The following DST variants were observed in gnomAD, a reference collection of about 807,000 sequenced individuals.
The protein encoded by DST is bullous pemphigoid antigen.
DST carries 253 observed loss-of-function variants against 875.2 expected under a neutral mutation model. The ratio of observed to expected loss-of-function variants is 0.29; its 90% confidence interval spans 0.26 to 0.32. The LOEUF is 0.32. DST is among the 10% of genes least tolerant of loss of function. DST has a pLI of 1.00. For missense variants in DST, 8,287 were observed against 9,111.6 expected (o/e 0.91, Z 3.68); for synonymous variants, 3,124 against 3,197.1 (o/e 0.98, Z 0.77).
At chr6:56,468,859 C>A in intron 98 of DST, 123 bp downstream of exon 98, 1 of 729,476 alleles carries the variant, frequency 1.4e-6, no homozygotes, top group Non-Finnish European at 2.2e-6. Flanking sequence ...ACCACGCCAA[C>A]CAACAATGTA....
At chr6:56,884,610 A>C (rs1330846865) in intron 3 of DST, among the ~76,000 whole-genome samples, 1 of 152,144 alleles carries the variant, frequency 6.6e-6, no homozygotes, top group Admixed American at 6.6e-5. Flanking sequence ...TTGTAATTTC[A>C]TCATTCCTTC....
intron 9 of DST, among the ~76,000 whole-genome samples, chr6:56,699,190 T>C (rs191131533): frequency 4.9e-4 from 74 of 152,368 alleles, no homozygotes; most frequent in African/African-American, 1.6e-3. Context: ...AAAGCACAGC[T>C]CTGCATAAAA....
chr6:56,595,022 G>A (rs2098346141), intron 47 of DST, among the ~76,000 whole-genome samples: 1 of 152,140 alleles, frequency 6.6e-6, no homozygotes, highest in African/African-American at 2.4e-5. Flanking sequence ...GGTAGGTGAA[G>A]TCCCTTTCCC....
At chr6:56,525,733 G>A (rs557962731) in intron 69 of DST, among the ~76,000 whole-genome samples, 15 of 152,180 alleles carry the variant, frequency 9.9e-5, no homozygotes, top group Admixed American at 2.6e-4. Context: ...ATTATATTAC[G>A]AACTTCTATC....
At chr6:56,569,325 G>GAAAAAAAAA (rs755987516) in intron 54 of DST, among the ~76,000 whole-genome samples, 3 of 94,808 alleles carry the variant, frequency 3.2e-5, no homozygotes, top group African/African-American at 1.2e-4. Flanking sequence ...ACTCTGTCTC[G>GAAAAAAAAA]AAAAAAAAAA....
At chr6:56,651,925 T>C (rs1403124619) in intron 10 of DST, among the ~76,000 whole-genome samples, 4 of 152,248 alleles carry the variant, frequency 2.6e-5, no homozygotes, top group Admixed American at 2.6e-4. Flanking sequence ...TACTATGTAT[T>C]AAGAAAATTT....
Position 56,572,826 on chromosome 6 carries a change from A to G in DST, c.13475T>C (p.Phe4492Ser). The G allele has an allele frequency of 6.2e-7, 1 of 1,610,572 alleles. No homozygotes were observed. The highest frequency in any genetic ancestry group is 8.5e-7 in the Non-Finnish European group (1 of 1,179,004). The change falls in exon 52 of 104, where the codon TTT becomes TCT. Residue 4492 changes from phenylalanine to serine, a missense_variant. By Grantham distance (155) the Phe-to-Ser change is radical (BLOSUM62 -2). This residue lies in a region of DST where 1,513 missense variants were observed against 1,677.8 expected (regional missense o/e 0.90). Transcript: ENST00000680361. ...AAGAGCCTGAGTTTTTGTTTCTAAA[A>G]ATGTCTGGAGCTTTTCTGAGAGGTT... ...FENLSEKLQT[F>S]LETKTQALTE...
chr6:56,665,598 T>C (rs1436304440), intron 10 of DST, among the ~76,000 whole-genome samples: 3 of 152,138 alleles, frequency 2.0e-5, no homozygotes, highest in Non-Finnish European at 2.9e-5. Context: ...AGGTATGTGA[T>C]GTCAAAAATA....
chr6:56,841,960 C>T (rs576368640), intron 4 of DST, among the ~76,000 whole-genome samples: 2 of 152,232 alleles, frequency 1.3e-5, no homozygotes, highest in Admixed American at 6.5e-5. Flanking sequence ...TCTCATTGTA[C>T]TGTTTACAAA....
rs747458470 is a variant in DST at position 56,487,186 on chromosome 6, C to T, written c.20965G>A (p.Ala6989Thr). The T allele has an allele frequency of 3.7e-6, 6 of 1,613,790 alleles. No individual in the cohort carries two copies. In the African/African-American group the frequency reaches 8.0e-5, roughly 22 times the overall value. Residue 6989 changes from alanine (A) to threonine (T), a missense_variant, in exon 87 of 104, where the codon GCT becomes ACT. By Grantham distance (58) the Ala-to-Thr change is moderately conservative (BLOSUM62 0). Coordinates refer to ENST00000680361, the MANE Select transcript of DST (RefSeq NM_001374736.1). ...TCATCCAGTTTCAGGTTGTCATCAG[C>T]CAGGGAGGTTTTCTCCTTCAGAGAA... ...GRSLKEKTSL[A>T]DDNLKLDDML...
chr6:56,463,385 T>A (rs1429443685), intron 101 of DST, among the ~76,000 whole-genome samples, 180 bp downstream of exon 101: 1 of 152,202 alleles, frequency 6.6e-6, no homozygotes, highest in Non-Finnish European at 1.5e-5. Flanking sequence ...CATCTCTATG[T>A]GGGCCACTAG....
At chr6:56,616,675 AG>A in intron 36 of DST, 1 of 1,614,226 alleles carries the variant, frequency 6.2e-7, no homozygotes, top group East Asian at 2.2e-5. Flanking sequence ...CAATTTCTGG[AG>A]GAACACGAAT....
At chr6:56,694,892 C>T (rs758531990) in intron 9 of DST, among the ~76,000 whole-genome samples, 12 of 151,848 alleles carry the variant, frequency 7.9e-5, no homozygotes, top group African/African-American at 2.4e-4. Flanking sequence ...TTTGGGAGGC[C>T]GAGGCAGGTG....
intron 2 of DST, among the ~76,000 whole-genome samples, chr6:56,940,725 G>A (rs141616255): frequency 2.1e-4 from 32 of 151,446 alleles, no homozygotes; most frequent in African/African-American, 6.8e-4. Context: ...GACTGCAGGC[G>A]CAAGCCACCG....
intron 3 of DST, among the ~76,000 whole-genome samples, chr6:56,886,323 G>C (rs1170639896): frequency 6.6e-6 from 1 of 152,192 alleles, no homozygotes; most frequent in Non-Finnish European, 1.5e-5. Context: ...ATGAACTTAA[G>C]CCAATCACCT....
At chr6:56,538,633 A>T (rs1052276146) in intron 61 of DST, among the ~76,000 whole-genome samples, 1 of 152,200 alleles carries the variant, frequency 6.6e-6, no homozygotes, top group African/African-American at 2.4e-5. Flanking sequence ...TACATGAGTA[A>T]ATTAGAGAAC....
In DST at chr6:56,482,675, G is replaced by A. The variant is rs1437611436; in HGVS notation, c.21402+8C>T. ...ATTACACCCAGCTCTCATTTACATG[G>A]TTTTTACCTGACGCAGGGCTGCTTC... is the stretch of plus-strand genomic sequence containing the variant. On this transcript the variant is annotated splice_region_variant and intron_variant, in intron 89 of 103. Transcript: ENST00000680361. 1 of 1,610,770 alleles carries A rather than the reference G, an allele frequency of 6.2e-7. No homozygotes were observed. Among genetic ancestry groups the A allele is most frequent in the Non-Finnish European group, 8.5e-7 (1 of 1,178,126 alleles).
intron 37 of DST, among the ~76,000 whole-genome samples, 169 bp from the exon 38 acceptor site, chr6:56,611,765 T>C (rs1271635443): frequency 6.6e-6 from 1 of 152,098 alleles, no homozygotes; most frequent in Non-Finnish European, 1.5e-5. Context: ...TAGATAAGAG[T>C]ATTTTATTTA....
intron 3 of DST, among the ~76,000 whole-genome samples, chr6:56,878,556 A>G (rs949749795): frequency 6.6e-6 from 1 of 152,206 alleles, no homozygotes; most frequent in African/African-American, 2.4e-5. Flanking sequence ...GATGGGGTGA[A>G]GCATCAGAAG....
Sources: gnomAD v4.1 joint callset for allele counts (sites outside exome capture counted in the v4.1 genomes callset) on GRCh38, gnomAD v4.1.1 for gene constraint, gnomAD v4.1.1 regional missense constraint, MANE v1.5 for transcripts, NCBI Gene and HGNC (gene_info 2026-07-23, HGNC 2026-07-21) for gene names.